Variants in ATP9B observed in about 807,000 individuals in gnomAD.
ATP9B encodes probable phospholipid-transporting ATPase IIB.
A neutral mutation model predicts 146.1 loss-of-function variants in ATP9B; 110 were observed. The ratio of observed to expected loss-of-function variants is 0.75; its 90% CI spans 0.65 to 0.88. The LOEUF is 0.88. Among genes scored for constraint, ATP9B ranks in the 40% least tolerant of loss-of-function variants. ATP9B has a pLI of 0.00. For missense variants in ATP9B, 1,499 were observed against 1,496.4 expected (o/e 1.00, Z -0.03); for synonymous variants, 604 against 569.7 (o/e 1.06, Z -0.86).
rs142926369 is a variant in ATP9B at position 79,104,694 on chromosome 18, C to T, written c.294-5661C>T. On this transcript the variant is annotated intron_variant, in intron 2 of 29. Coordinates refer to ENST00000426216, the MANE Select transcript of ATP9B (RefSeq NM_198531.5). ...GTAGCAGCAAAAACACCCGTGTTTG[C>T]GGGAGTTAAAACAGCTTAGTAAAAT... is the stretch of plus-strand genomic sequence containing the variant. 5.3e-3 allele frequency among the ~76,000 whole-genome samples: 798 copies of T among 151,690 alleles called. 5 individuals are homozygous for T. Among genetic ancestry groups the T allele is most frequent in the Non-Finnish European group, 8.2e-3 (558 of 67,948 alleles).
chr18:79,205,565 G>A (rs781280027), intron 9 of ATP9B, among the ~76,000 whole-genome samples: 17 of 151,142 alleles, frequency 1.1e-4, no homozygotes, highest in Non-Finnish European at 2.2e-4. Context: ...ATTATTTTAC[G>A]GGAGACGCCC....
chr18:79,231,797 T>TAC (rs1474116394), intron 11 of ATP9B, among the ~76,000 whole-genome samples: 8 of 109,532 alleles, frequency 7.3e-5, no homozygotes, highest in African/African-American at 2.8e-4. Context: ...TATATATATA[T>TAC]ATATATACAC....
At chr18:79,310,064 T>C (rs778812623) in intron 15 of ATP9B, among the ~76,000 whole-genome samples, 1 of 152,132 alleles carries the variant, frequency 6.6e-6, no homozygotes, top group Non-Finnish European at 1.5e-5. Context: ...CTGATCAGCA[T>C]GTGGGCCAGA....
At chr18:79,320,301 C>T (rs1446022211) in intron 15 of ATP9B, among the ~76,000 whole-genome samples, 1 of 152,200 alleles carries the variant, frequency 6.6e-6, no homozygotes, top group Non-Finnish European at 1.5e-5. Flanking sequence ...AGCGGAGGCG[C>T]AGTGCGAGTA....
chr18:79,321,540 C>T (rs1218454396), intron 15 of ATP9B, among the ~76,000 whole-genome samples: 1 of 152,182 alleles, frequency 6.6e-6, no homozygotes, highest in Non-Finnish European at 1.5e-5. Context: ...GTGCCCACCA[C>T]TCCTGGCTAT....
At position 79,348,242 on chromosome 18, in the gene ATP9B, T is replaced by G. The variant is rs201956575; in HGVS notation, c.2903+46T>G. On this transcript the variant is annotated intron_variant, in intron 25 of 29. Transcript: ENST00000426216. The stretch of plus-strand genomic sequence containing the variant: ...GCCAGCTCATCCAGGGGAGGACTTC[T>G]ATTTTGAAAAAAAAAAAAAAAAAAA... 389 of 1,042,796 alleles carry G rather than the reference T, an allele frequency of 3.7e-4. No homozygotes were observed. The African/African-American group carries it at 7.1e-3, about 19-fold the overall frequency. 64.6% of individuals were successfully genotyped at this position (1,042,796 alleles called of 1,614,324 possible).
intron 5 of ATP9B, among the ~76,000 whole-genome samples, chr18:79,129,602 A>G (rs1042931239): frequency 6.6e-6 from 1 of 152,222 alleles, no homozygotes; most frequent in Non-Finnish European, 1.5e-5. Context: ...CATCCATGAT[A>G]AAGAATACAC....
chr18:79,069,608 G>C, intron 1 of ATP9B, 79 bp downstream of exon 1: 1 of 978,162 alleles, frequency 1.0e-6, no homozygotes, highest in Non-Finnish European at 1.3e-6. Flanking sequence ...CCGGAGCCGG[G>C]CGGGTCTGGG....
intron 8 of ATP9B, among the ~76,000 whole-genome samples, chr18:79,180,241 C>G (rs576493006): frequency 6.6e-6 from 1 of 151,980 alleles, no homozygotes; most frequent in African/African-American, 2.4e-5. Context: ...TTACAGTAAT[C>G]GTTAATGTGG....
At chr18:79,304,802 A>T (rs776875061) in intron 14 of ATP9B, among the ~76,000 whole-genome samples, 7 of 152,230 alleles carry the variant, frequency 4.6e-5, no homozygotes, top group Non-Finnish European at 8.8e-5. Flanking sequence ...GTTTGATCAG[A>T]CCTGGAGATC....
intron 11 of ATP9B, among the ~76,000 whole-genome samples, chr18:79,234,398 A>G (rs924623394): frequency 2.0e-5 from 3 of 152,178 alleles, no homozygotes; most frequent in Non-Finnish European, 4.4e-5. Context: ...GTGCTCCTGC[A>G]CACACATTTA....
Position 79,373,929 on chromosome 18 carries a change from C to T in ATP9B, c.3102C>T (p.Leu1034=). Residue 1034 remains leucine, a synonymous_variant, in exon 28 of 30, where the codon CTC becomes CTT. Coordinates refer to ENST00000426216, the MANE Select transcript of ATP9B (RefSeq NM_198531.5). Reference sequence around the variant, plus strand: ...TCCTCATGTATGGGGCCCTGGTGCTCTTCGAGTCTGAGTTCGTCCACGTGG... The same window carrying T: ...TCCTCATGTATGGGGCCCTGGTGCTTTTCGAGTCTGAGTTCGTCCACGTGG... The part of the protein sequence containing the change: ...GGILMYGALV[L]FESEFVHVVA... The T allele has an allele frequency of 6.2e-7, 1 of 1,613,358 alleles. No individual in the cohort carries two copies. The highest frequency in any genetic ancestry group is 1.1e-5 in the South Asian group (1 of 91,036).
rs773118829 is a variant in ATP9B at position 79,277,189 on chromosome 18, C to T, written c.1404C>T (p.Asp468=). ...GGCGCCTGGTGTATTTATTGACAGACAAAACAGGTACTGTTCGTGGTCTGT... is the reference window on the plus strand; with the variant it reads ...GGCGCCTGGTGTATTTATTGACAGATAAAACAGGTACTGTTCGTGGTCTGT... The part of the protein sequence containing the change: ...ELGRLVYLLT[D]KTGTLTQNEM... The change falls in exon 13 of 30, where the codon GAC becomes GAT. Residue 468 remains aspartate, a synonymous_variant. Transcript: ENST00000426216. 2 of 1,614,020 alleles carry T rather than the reference C, an allele frequency of 1.2e-6. No homozygotes were observed. Among genetic ancestry groups the T allele is most frequent in the African/African-American group, 2.7e-5 (2 of 74,904 alleles).
At chr18:79,347,663 A>G (rs1318121697) in intron 23 of ATP9B, 107 bp from the exon 24 acceptor site, 28 of 1,305,884 alleles carry the variant, frequency 2.1e-5, no homozygotes, top group South Asian at 7.4e-5. Flanking sequence ...TTCTGCAGAG[A>G]GAATTTCGGT....
chr18:79,071,125 G>A (rs889429531), intron 1 of ATP9B, among the ~76,000 whole-genome samples: 5 of 143,016 alleles, frequency 3.5e-5, no homozygotes, highest in African/African-American at 5.2e-5. Context: ...TTTGAGATTA[G>A]GTGTTGGTAT....
chr18:79,280,474 T>C (rs1438029658), intron 13 of ATP9B, among the ~76,000 whole-genome samples: 1 of 152,212 alleles, frequency 6.6e-6, no homozygotes, highest in Non-Finnish European at 1.5e-5. Context: ...ATTCAAAATG[T>C]TTGTGTACTT....
At position 79,135,545 on chromosome 18, in the gene ATP9B, C is replaced by T. The variant is rs139495027; in HGVS notation, c.668-8257C>T. 4.0e-3 allele frequency among the ~76,000 whole-genome samples: 602 copies of T among 152,250 alleles called. 2 individuals carry two copies. Among genetic ancestry groups the T allele is most frequent in the South Asian group, 0.024 (118 of 4,822 alleles). On this transcript the variant is annotated intron_variant, in intron 5 of 29. Coordinates refer to ENST00000426216, the MANE Select transcript of ATP9B (RefSeq NM_198531.5). ...CCACCTGCAGTTAGGCCCCTCTTTCCGGCTCATTCTCTTTAGTGCCTGGAC... is the reference window on the plus strand; with the variant it reads ...CCACCTGCAGTTAGGCCCCTCTTTCTGGCTCATTCTCTTTAGTGCCTGGAC...
intron 7 of ATP9B, among the ~76,000 whole-genome samples, chr18:79,168,683 AAG>A (rs1568320612): frequency 3.3e-5 from 5 of 152,274 alleles, no homozygotes; most frequent in Admixed American, 3.3e-4. Flanking sequence ...TTGGGGGAGA[AAG>A]AAGTGACTTC....
chr18:79,259,621 T>A (rs2096119975), intron 12 of ATP9B, among the ~76,000 whole-genome samples: 1 of 152,172 alleles, frequency 6.6e-6, no homozygotes, highest in South Asian at 2.1e-4. Flanking sequence ...TCCAACCCAG[T>A]GAGCGTGGGG....
Sources: allele counts gnomAD v4.1 joint callset (sites outside exome capture counted in the v4.1 genomes callset), GRCh38; gene constraint gnomAD v4.1.1; transcripts MANE v1.5; gene names NCBI Gene and HGNC (gene_info 2026-07-23, HGNC 2026-07-21).